FBN3: variants seen among roughly 807,000 people sequenced by gnomAD.
FBN3 encodes fibrillin 3, also known as fibrillin-3.
In FBN3, 234 loss-of-function variants were observed where a neutral mutation model predicts 330.1. The observed-to-expected ratio is 0.71, with a 90% confidence interval of 0.64 to 0.79. The LOEUF is 0.79. FBN3 is among the 30% of genes least tolerant of loss of function. FBN3 has a pLI of 0.00. For missense variants in FBN3, 3,606 were observed against 3,886.9 expected, an observed-to-expected ratio of 0.93 and a Z score of 1.92; for synonymous variants, 1,458 against 1,517.3, an observed-to-expected ratio of 0.96 and a Z score of 0.91.
chr19:8,077,845 G>T (rs1433326901), intron 59 of FBN3, among the ~76,000 whole-genome samples: 1 of 152,158 alleles, frequency 6.6e-6, no homozygotes, highest in African/African-American at 2.4e-5. Flanking sequence ...GGAAGGCCGA[G>T]ATGGGCAGAT....
rs1225882687 is a variant in FBN3 at position 8,126,845 on chromosome 19, C to T, written c.2297-13G>A. 2.0e-6 allele frequency: 3 copies of T among 1,536,126 alleles called. No homozygotes were observed. Among genetic ancestry groups the T allele is most frequent in the Non-Finnish European group, 2.6e-6 (3 of 1,144,234 alleles). On this transcript the variant is annotated splice_polypyrimidine_tract_variant and intron_variant, in intron 18 of 63. Transcript: ENST00000600128. ...CATTCGTCGACATCTGTGGGGACAG[C>T]CCCCCACCAGGTCCTGAGCTGCAGG...
intron 13 of FBN3, 25 bp downstream of exon 13, chr19:8,135,936 G>GGGGGGGGGGGCCCCCCCCCCCCCCCCCC: frequency 1.5e-6 from 1 of 668,764 alleles, no homozygotes; most frequent in Non-Finnish European, 2.4e-6. Context: ...GGAAGCCCCT[G>GGGGGGGGGGGCCCCCCCCCCCCCCCCCC]CCCACCCGCC....
At chr19:8,118,342 C>T (rs147771533) in intron 26 of FBN3, among the ~76,000 whole-genome samples, 69 of 152,274 alleles carry the variant, frequency 4.5e-4, no homozygotes, top group African/African-American at 1.6e-3. Flanking sequence ...TGCCTGTAGT[C>T]CCACCTACTT....
At chr19:8,083,456 C>T in intron 56 of FBN3, 84 bp from the exon 57 acceptor site, 1 of 1,531,216 alleles carries the variant, frequency 6.5e-7, no homozygotes, top group South Asian at 1.1e-5. Context: ...TGCCCAGCAG[C>T]CGTCTCCTCG....
intron 28 of FBN3, 144 bp downstream of exon 28, chr19:8,117,025 C>A: frequency 7.5e-7 from 1 of 1,338,770 alleles, no homozygotes; most frequent in South Asian, 1.4e-5. Flanking sequence ...CTGCCTGGGG[C>A]CAGGACCACA....
intron 46 of FBN3, 95 bp downstream of exon 46, chr19:8,095,280 G>T: frequency 7.7e-7 from 1 of 1,294,906 alleles, no homozygotes; most frequent in Non-Finnish European, 1.1e-6. Flanking sequence ...TGCTTGGGTA[G>T]TAAATGGATC....
intron 13 of FBN3, among the ~76,000 whole-genome samples, chr19:8,134,414 A>T (rs1030752188): frequency 1.3e-5 from 2 of 152,160 alleles, no homozygotes; most frequent in African/African-American, 2.4e-5. Flanking sequence ...TTATTCGGCC[A>T]TGAAAAAGAA....
intron 37 of FBN3, among the ~76,000 whole-genome samples, chr19:8,106,978 G>A (rs2082452913): frequency 6.6e-6 from 1 of 151,596 alleles, no homozygotes; most frequent in Non-Finnish European, 1.5e-5. Context: ...GTGGGAAATA[G>A]GTTAATGGAT....
At chr19:8,105,811 A>C (rs2082424648) in intron 38 of FBN3, among the ~76,000 whole-genome samples, 1 of 152,200 alleles carries the variant, frequency 6.6e-6, no homozygotes, top group African/African-American at 2.4e-5. Context: ...GAATCAGTCA[A>C]AAGCTTACAA....
At chr19:8,143,663 G>A (rs1203966021) in intron 6 of FBN3, among the ~76,000 whole-genome samples, 1 of 151,478 alleles carries the variant, frequency 6.6e-6, no homozygotes, top group Non-Finnish European at 1.5e-5. Flanking sequence ...ACATTTTTTT[G>A]TGTATTTTTA....
chr19:8,090,154 C>T lies in FBN3; in HGVS notation c.6129G>A (p.Lys2043=), dbSNP rs2082061666. ...NTTKTRCCCS[K]RPGEGWGDPC... is the part of the protein sequence containing the mutation. ...GGTCTCCCCAGCCCTCCCCAGGCCTCTTACTGCAGCAGCAGCGGGTCTTGG... is the reference window on the plus strand; with the variant it reads ...GGTCTCCCCAGCCCTCCCCAGGCCTTTTACTGCAGCAGCAGCGGGTCTTGG... Residue 2043 remains lysine (K), a synonymous_variant, in exon 49 of 64, where the codon AAG becomes AAA. Coordinates refer to ENST00000600128, the MANE Select transcript of FBN3 (RefSeq NM_032447.5). 1 of 1,613,960 alleles carries T rather than the reference C, an allele frequency of 6.2e-7. No homozygotes were observed.
rs1464784046 is a variant in FBN3 at position 8,129,215 on chromosome 19, T to C, written c.2170+25A>G. 1 of 1,612,868 alleles carries C rather than the reference T, an allele frequency of 6.2e-7. No individual in the cohort carries two copies. Among genetic ancestry groups the C allele is most frequent in the East Asian group, 2.2e-5 (1 of 44,842 alleles). On this transcript the variant is annotated intron_variant, in intron 17 of 63. Transcript: ENST00000600128. This position sits in a 1 kb window ranked among gnomAD's most constrained non-coding sequence, Gnocchi z 4.5. ...TGCAGTGGGAGAGGCTGCCCACACA[T>C]CCGCCCGCCAGGTGGCATGCTCACC...
intron 41 of FBN3, 48 bp from the exon 42 acceptor site, chr19:8,097,462 C>A: frequency 6.4e-7 from 1 of 1,555,050 alleles, no homozygotes; most frequent in Admixed American, 1.7e-5. Context: ...CCTGGGACTT[C>A]CAGCGATGCT....
At position 8,102,767 on chromosome 19, in the gene FBN3, C is replaced by G. The variant is rs749305990; in HGVS notation, c.5046G>C (p.Gln1682His). 1.2e-6 allele frequency: 2 copies of G among 1,614,098 alleles called. No individual in the cohort carries two copies. The highest frequency in any genetic ancestry group is 4.5e-5 in the East Asian group (2 of 44,874). ...AGGCCTCACAGGGTCTATTCCAGGC[C>G]TGGCCAATGTTGTAGGAGCAGCAAC... Reference protein sequence around the residue: ...KMCCCSYNIGQAWNRPCEACP... With the variant: ...KMCCCSYNIGHAWNRPCEACP... The change falls in exon 40 of 64, where the codon CAG (glutamine) becomes CAC (histidine). Residue 1682 changes from glutamine to histidine, a missense_variant. Transcript: ENST00000600128.
At chr19:8,075,218 T>C (rs1050797029) in intron 60 of FBN3, 28 bp from the exon 61 acceptor site, 1 of 1,570,972 alleles carries the variant, frequency 6.4e-7, no homozygotes, top group African/African-American at 1.4e-5. Flanking sequence ...GGAGAGAGGG[T>C]TTACCAGACG....
At position 8,124,012 on chromosome 19, in the gene FBN3, C is replaced by T; in HGVS notation, c.2732-4G>A. ...AAACATGGTTCCAATCTCACATCTG[C>T]ACGGGGGACAGTCACTGCGTCCCCA... On this transcript the variant is annotated splice_region_variant and splice_polypyrimidine_tract_variant and intron_variant, in intron 22 of 63. Coordinates refer to ENST00000600128, the MANE Select transcript of FBN3 (RefSeq NM_032447.5). 1 of 1,611,088 alleles carries T rather than the reference C, an allele frequency of 6.2e-7. No individual in the cohort carries two copies. The highest frequency in any genetic ancestry group is 8.5e-7 in the Non-Finnish European group (1 of 1,178,620).
intron 36 of FBN3, 152 bp from the exon 37 acceptor site, chr19:8,108,390 T>C (rs1416907989): frequency 1.6e-6 from 1 of 613,454 alleles, no homozygotes; most frequent in African/African-American, 1.9e-5. Flanking sequence ...TTTAGCCTCT[T>C]GGGGCCAAGA....
At chr19:8,104,920 TTCTTCTCTTTCTTTCTC>T (rs1165662067) in intron 38 of FBN3, among the ~76,000 whole-genome samples, 1 of 148,200 alleles carries the variant, frequency 6.7e-6, no homozygotes, top group Non-Finnish European at 1.5e-5. Context: ...CTTTCTTTCT[TTCTTCTCTTTCTTTCTC>T]TCTCTTTCTC....
At chr19:8,106,260 T>C in intron 37 of FBN3, 27 bp from the exon 38 acceptor site, 1 of 1,613,892 alleles carries the variant, frequency 6.2e-7, no homozygotes, top group South Asian at 1.1e-5. Flanking sequence ...AAGCCAAGCT[T>C]GGGAGCTAAA....
Sources: allele counts gnomAD v4.1 joint callset (sites outside exome capture counted in the v4.1 genomes callset), GRCh38; gene constraint gnomAD v4.1.1; non-coding constraint Gnocchi (gnomAD v3.1); transcripts MANE v1.5; gene names NCBI Gene and HGNC (gene_info 2026-07-23, HGNC 2026-07-21).